The following DENND5B variants were observed in gnomAD, a reference collection of about 807,000 sequenced individuals.
The protein encoded by DENND5B is DENN domain containing 5B, also known as DENN domain-containing protein 5B.
Under a neutral mutation model 140.6 loss-of-function variants are expected in DENND5B, and 34 were observed. That is an observed-to-expected ratio of 0.24 (90% CI 0.18 to 0.32). The LOEUF is 0.32. Among genes scored for constraint, DENND5B ranks in the 10% least tolerant of loss-of-function variants. The pLI is 1.00. For synonymous variants in DENND5B, 551 were observed against 562.1 expected, an observed-to-expected ratio of 0.98 and a Z score of 0.28; for missense variants, 1,142 against 1,560.2, an observed-to-expected ratio of 0.73 and a Z score of 4.52.
At position 31,452,198 on chromosome 12, in the gene DENND5B, C is replaced by A; in HGVS notation, c.1371G>T (p.Leu457Phe). 6.2e-7 allele frequency: 1 copy of A among 1,613,990 alleles called. No individual in the cohort carries two copies. Among genetic ancestry groups the A allele is most frequent in the Non-Finnish European group, 8.5e-7 (1 of 1,179,900 alleles). ...CACCAGTACGCTTGGCCAGAGCCTGCAAGCGGGCTATGGTTTCATTGCCCT... is the reference window on the plus strand; with the variant it reads ...CACCAGTACGCTTGGCCAGAGCCTGAAAGCGGGCTATGGTTTCATTGCCCT... ...LLKGNETIAR[L>F]QALAKRTGVA... Residue 457 changes from leucine (L) to phenylalanine (F), a missense_variant, in exon 5 of 21, where the codon TTG becomes TTT. Physicochemically the swap from Leu to Phe is conservative, Grantham distance 22. Coordinates refer to ENST00000389082, the MANE Select transcript of DENND5B (RefSeq NM_144973.4).
At chr12:31,442,700 G>C in intron 7 of DENND5B, 75 bp downstream of exon 7, 1 of 1,480,108 alleles carries the variant, frequency 6.8e-7, no homozygotes, top group Admixed American at 2.2e-5. Flanking sequence ...GTTAAGCATT[G>C]TCCATTTGAG....
At chr12:31,392,138 C>CAA (rs879273266) in intron 19 of DENND5B, 129 bp downstream of exon 19, 1,261 of 711,236 alleles carry the variant, frequency 1.8e-3, no homozygotes, top group Middle Eastern at 2.7e-3. Context: ...GATTCCGTCT[C>CAA]AAAAAAAAAA....
chr12:31,419,970 T>C (rs1162104695), intron 11 of DENND5B: 22 of 698,520 alleles, frequency 3.1e-5, no homozygotes, highest in East Asian at 2.1e-4. Flanking sequence ...CGAAACTCCA[T>C]CTCAGAAAAA....
chr12:31,424,392 G>T, intron 10 of DENND5B, 143 bp downstream of exon 10: 2 of 1,132,716 alleles, frequency 1.8e-6, no homozygotes, highest in South Asian at 2.0e-5. Flanking sequence ...TTCTTTTTCT[G>T]AAATTAAAAT....
intron 1 of DENND5B, among the ~76,000 whole-genome samples, chr12:31,545,411 C>T (rs1948822599): frequency 1.3e-5 from 2 of 152,082 alleles, no homozygotes; most frequent in Non-Finnish European, 2.9e-5. Flanking sequence ...TAATAGTCCC[C>T]AGTTTCTGTT....
At chr12:31,453,840 T>C (rs1367534595) in intron 4 of DENND5B, among the ~76,000 whole-genome samples, 6 of 151,820 alleles carry the variant, frequency 4.0e-5, no homozygotes, top group Non-Finnish European at 8.8e-5. Context: ...TAAATTAAGC[T>C]CAATAAAAAC....
chr12:31,420,156 T>A, intron 11 of DENND5B: 1 of 768,702 alleles, frequency 1.3e-6, no homozygotes, highest in Non-Finnish European at 1.6e-6. Flanking sequence ...AGACAGGGTC[T>A]TGCTCTGTCA....
At chr12:31,567,706 G>A (rs1949679333) in intron 1 of DENND5B, among the ~76,000 whole-genome samples, 1 of 150,918 alleles carries the variant, frequency 6.6e-6, no homozygotes, top group South Asian at 2.1e-4. Flanking sequence ...AGCTACTTGG[G>A]AGGCTGAGGT....
intron 1 of DENND5B, among the ~76,000 whole-genome samples, chr12:31,572,355 C>T (rs1275555306): frequency 6.6e-6 from 1 of 152,198 alleles, no homozygotes; most frequent in Non-Finnish European, 1.5e-5. Flanking sequence ...CCTACAGCTT[C>T]ATTGTTACAA....
At chr12:31,544,545 A>C (rs1474570712) in intron 1 of DENND5B, among the ~76,000 whole-genome samples, 4 of 152,218 alleles carry the variant, frequency 2.6e-5, no homozygotes, top group African/African-American at 9.7e-5. Context: ...TCAGTCTCCC[A>C]AAGTGTTGGG....
intron 3 of DENND5B, 99 bp from the exon 4 acceptor site, chr12:31,460,480 G>T: frequency 8.8e-7 from 1 of 1,136,018 alleles, no homozygotes; most frequent in Non-Finnish European, 1.2e-6. Context: ...AAATTTCTGC[G>T]TTAAAAGTAA....
chr12:31,542,933 G>A (rs1304478664), intron 1 of DENND5B, among the ~76,000 whole-genome samples: 2 of 152,108 alleles, frequency 1.3e-5, no homozygotes, highest in African/African-American at 4.8e-5. Context: ...CTCCAGCCTG[G>A]GCGACAGAGC....
At chr12:31,477,108 G>A (rs1374239552) in intron 3 of DENND5B, among the ~76,000 whole-genome samples, 1 of 151,766 alleles carries the variant, frequency 6.6e-6, no homozygotes, top group Non-Finnish European at 1.5e-5. Flanking sequence ...CGCACCCATA[G>A]TCCCAGCTAC....
intron 1 of DENND5B, among the ~76,000 whole-genome samples, chr12:31,559,445 T>C (rs1453340297): frequency 6.7e-6 from 1 of 150,026 alleles, no homozygotes; most frequent in East Asian, 2.0e-4. Flanking sequence ...GCATGTAAAG[T>C]AGCTGAAACA....
intron 1 of DENND5B, among the ~76,000 whole-genome samples, chr12:31,579,746 GA>G (rs1283819579): frequency 7.6e-6 from 1 of 132,080 alleles, no homozygotes; most frequent in Non-Finnish European, 1.6e-5. Flanking sequence ...GGAGGGGAGG[GA>G]AGGGAGAGAG....
chr12:31,421,967 G>A (rs1943044550), intron 11 of DENND5B, among the ~76,000 whole-genome samples: 1 of 152,070 alleles, frequency 6.6e-6, no homozygotes, highest in East Asian at 1.9e-4. Flanking sequence ...ACAGAACCTT[G>A]GCATTCTGAT....
chr12:31,526,213 C>G (rs1364686518), intron 1 of DENND5B, among the ~76,000 whole-genome samples: 1 of 152,038 alleles, frequency 6.6e-6, no homozygotes, highest in Non-Finnish European at 1.5e-5. Context: ...AGGAGGAATT[C>G]GATACAGTTC....
chr12:31,565,406 C>CA (rs754072478), intron 1 of DENND5B, among the ~76,000 whole-genome samples: 1 of 152,160 alleles, frequency 6.6e-6, no homozygotes, highest in Admixed American at 6.5e-5. Context: ...CTTTTACACT[C>CA]ACGTTGAGTC....
At chr12:31,475,149 T>C (rs1171907416) in intron 3 of DENND5B, among the ~76,000 whole-genome samples, 1 of 152,148 alleles carries the variant, frequency 6.6e-6, no homozygotes, top group Non-Finnish European at 1.5e-5. Context: ...TCACTGCTGT[T>C]GAGAGGATTA....
Sources: gnomAD v4.1 joint callset for allele counts (sites outside exome capture counted in the v4.1 genomes callset) on GRCh38, gnomAD v4.1.1 for gene constraint, MANE v1.5 for transcripts, NCBI Gene and HGNC (gene_info 2026-07-23, HGNC 2026-07-21) for gene names.